GPALPP1: variants seen among roughly 807,000 people sequenced by gnomAD.
GPALPP1 encodes GPALPP motifs-containing protein 1.
Under a neutral mutation model 38.9 loss-of-function variants are expected in GPALPP1, and 30 were observed. That is an observed-to-expected ratio of 0.77 (90% CI 0.58 to 1.05). The LOEUF (loss-of-function observed/expected upper bound fraction) is 1.05, where lower values mean the gene tolerates loss of function less well. Ranked by LOEUF, GPALPP1 falls within the 50% of genes least tolerant of loss-of-function variation. GPALPP1 has a pLI of 0.00. For missense variants in GPALPP1, 384 were observed against 408.8 expected (o/e 0.94, Z 0.52); for synonymous variants, 120 against 139.2 (o/e 0.86, Z 0.97).
chr13:45,034,816 A>C (rs1339174002), downstream of GPALPP1: 1 of 141,010 alleles, frequency 7.1e-6, no homozygotes, highest in Non-Finnish European at 1.5e-5. Context: ...GGCTCACTGC[A>C]CCCTCCGCCT....
chr13:45,018,052 C>T (rs1874995973), intron 6 of GPALPP1, among the ~76,000 whole-genome samples: 3 of 152,138 alleles, frequency 2.0e-5, no homozygotes, highest in African/African-American at 7.2e-5. Flanking sequence ...TTCCAGCATA[C>T]CTCTCATACC....
At chr13:45,004,184 T>C (rs938560844) in intron 1 of GPALPP1, 121 bp from the exon 2 acceptor site, 3 of 753,108 alleles carry the variant, frequency 4.0e-6, no homozygotes, top group Non-Finnish European at 6.5e-6. Context: ...GAGATTAAAG[T>C]GAATAATAAA....
chr13:45,035,685 A>G (rs1449556430), exon 8 of GPALPP1: 1 of 152,266 alleles, frequency 6.6e-6, no homozygotes, highest in African/African-American at 2.4e-5. Flanking sequence ...TGAAAAATAC[A>G]GTAGATCAGT....
At chr13:44,995,338 G>A (rs1873187852) in intron 1 of GPALPP1, among the ~76,000 whole-genome samples, 1 of 151,894 alleles carries the variant, frequency 6.6e-6, no homozygotes, top group Non-Finnish European at 1.5e-5. Flanking sequence ...TGACTCCTAA[G>A]CCCTCTTTTT....
intron 2 of GPALPP1, chr13:45,005,086 CTTTTTTTTTTTT>C (rs71759613): frequency 8.7e-5 from 5 of 57,530 alleles, no homozygotes; most frequent in African/African-American, 1.3e-4. Context: ...TAATGGTTTT[CTTTTTTTTTTTT>C]TTTTTTTTTT....
intron 3 of GPALPP1, among the ~76,000 whole-genome samples, chr13:45,007,321 ATG>A (rs1282819878): frequency 1.3e-5 from 2 of 152,210 alleles, no homozygotes; most frequent in Non-Finnish European, 2.9e-5. Flanking sequence ...CAATAATAAA[ATG>A]TATGTGTAAA....
chr13:45,018,280 G>C (rs1013516257), intron 6 of GPALPP1, among the ~76,000 whole-genome samples: 12 of 151,786 alleles, frequency 7.9e-5, no homozygotes, highest in Non-Finnish European at 1.2e-4. Context: ...GCCTGTAGTC[G>C]CAGCTACTCG....
intron 6 of GPALPP1, among the ~76,000 whole-genome samples, chr13:45,016,522 C>A (rs1165209097): frequency 1.3e-5 from 2 of 152,120 alleles, no homozygotes; most frequent in African/African-American, 2.4e-5. Context: ...GTTCTTGAAT[C>A]TTTTTCTGTT....
At chr13:45,026,759 G>A (rs549950826) in intron 7 of GPALPP1, among the ~76,000 whole-genome samples, 39 of 152,280 alleles carry the variant, frequency 2.6e-4, no homozygotes, top group Middle Eastern at 3.4e-3. Context: ...ACTCTTAGGA[G>A]AAATGTGTTT....
rs1185546937 is a variant in GPALPP1 at position 45,015,517 on chromosome 13, T to C, written c.626T>C (p.Phe209Ser). The C allele has an allele frequency of 3.7e-6, 6 of 1,608,658 alleles. No homozygotes were observed. The Admixed American group carries it at 1.0e-4, about 27-fold the overall frequency. ...GACTTTGGTCTTGGGCCAAGGACTT[T>C]TAAGAGAAGAGCTGATGACACATCT... ...MKDFGLGPRT[F>S]KRRADDTSGD... Residue 209 changes from phenylalanine to serine, a missense_variant, in exon 6 of 8, where the codon TTT becomes TCT. By Grantham distance (155) the Phe-to-Ser change is radical. Coordinates refer to ENST00000379151, the MANE Select transcript of GPALPP1 (RefSeq NM_018559.5).
At chr13:45,021,491 A>C (rs1450176444) in intron 7 of GPALPP1, among the ~76,000 whole-genome samples, 1 of 152,162 alleles carries the variant, frequency 6.6e-6, no homozygotes, top group Non-Finnish European at 1.5e-5. Context: ...GAATAACTTA[A>C]AAACCCACTA....
At chr13:45,021,925 A>G (rs1247221350) in intron 7 of GPALPP1, among the ~76,000 whole-genome samples, 1 of 152,172 alleles carries the variant, frequency 6.6e-6, no homozygotes, top group African/African-American at 2.4e-5. Flanking sequence ...CCTCCTGGGT[A>G]TTTACCTAAG....
In GPALPP1 at chr13:45,030,294, T is replaced by C. The variant is rs1876130252; in HGVS notation, c.*2291T>C. The stretch of plus-strand genomic sequence containing the variant: ...TAAACTATTGTTAAATAAATGCCAA[T>C]TCTATAAGTTATATTTTCTTGCAGA... On this transcript the variant is annotated 3_prime_UTR_variant, in exon 8 of 8. Transcript: ENST00000379151. 1 of 152,206 alleles carries C rather than the reference T, an allele frequency of 6.6e-6. No individual in the cohort carries two copies. Among genetic ancestry groups the C allele is most frequent in the African/African-American group, 2.4e-5 (1 of 41,454 alleles). The allele number at this position is 152,206 out of a possible 1,614,324, so 9.4% of individuals were successfully genotyped here.
At chr13:45,008,741 T>G (rs73181511) in intron 3 of GPALPP1, 54 bp from the exon 4 acceptor site, 38,459 of 932,064 alleles carry the variant, frequency 0.041, 1,431 homozygotes, top group East Asian at 0.13. Context: ...CTTTTATTCT[T>G]ATAACTGCTT....
At chr13:45,014,471 C>CT (rs11407734) in intron 4 of GPALPP1, among the ~76,000 whole-genome samples, 2,500 of 152,122 alleles carry the variant, frequency 0.016, 81 homozygotes, top group African/African-American at 0.056. Flanking sequence ...TTATTACACT[C>CT]TAAGCCTAAG....
intron 3 of GPALPP1, among the ~76,000 whole-genome samples, chr13:45,008,128 G>A (rs957070221): frequency 1.3e-5 from 2 of 152,176 alleles, no homozygotes; most frequent in African/African-American, 2.4e-5. Flanking sequence ...GACTTACACT[G>A]ACCAGGATTG....
chr13:45,028,037 T>G lies in GPALPP1; in HGVS notation c.*34T>G. 9.5e-7 allele frequency: 1 copy of G among 1,049,188 alleles called. No homozygotes were observed. Among genetic ancestry groups the G allele is most frequent in the Non-Finnish European group, 1.5e-6 (1 of 683,704 alleles). 65.0% of individuals were successfully genotyped at this position (1,049,188 alleles called of 1,614,324 possible). On this transcript the variant is annotated 3_prime_UTR_variant, in exon 8 of 8. Transcript: ENST00000379151. ...ATTTCAGTGAGGTATATTTTAATACTGATCAATGTGAACTTTTCTAAATAC... is the reference window on the plus strand; with the variant it reads ...ATTTCAGTGAGGTATATTTTAATACGGATCAATGTGAACTTTTCTAAATAC...
At chr13:45,009,005 G>T in intron 4 of GPALPP1, 126 bp downstream of exon 4, 1 of 714,382 alleles carries the variant, frequency 1.4e-6, no homozygotes, top group Non-Finnish European at 2.6e-6. Flanking sequence ...TGTAATGTAA[G>T]ACTCAGTTAT....
At chr13:45,015,363 T>C (rs1441629855) in intron 5 of GPALPP1, 69 bp from the exon 6 acceptor site, 7 of 920,346 alleles carry the variant, frequency 7.6e-6, no homozygotes, top group Non-Finnish European at 1.1e-5. Flanking sequence ...CAGTTGCTTG[T>C]ACATATATAT....
Sources: gnomAD v4.1 joint callset for allele counts (sites outside exome capture counted in the v4.1 genomes callset) on GRCh38, gnomAD v4.1.1 for gene constraint, MANE v1.5 for transcripts, NCBI Gene and HGNC (gene_info 2026-07-23, HGNC 2026-07-21) for gene names.